MAML3: variants seen among roughly 807,000 people sequenced by gnomAD.
The protein encoded by MAML3 is mastermind like transcriptional coactivator 3.
In MAML3, 27 loss-of-function variants were observed where a neutral mutation model predicts 101.9. That is an observed-to-expected ratio of 0.27 (90% confidence interval 0.20 to 0.37). The LOEUF is 0.37. MAML3 is among the 10% of genes least tolerant of loss of function. MAML3 has a pLI of 1.00. For synonymous variants in MAML3, 501 were observed against 555.9 expected (o/e 0.90, Z 1.39); for missense variants, 1,316 against 1,444.9 (o/e 0.91, Z 1.45).
At position 139,735,029 on chromosome 4, in the gene MAML3, C is replaced by T. The variant is rs962855358; in HGVS notation, c.2080-4362G>A. 3.9e-5 allele frequency among the ~76,000 whole-genome samples: 6 copies of T among 152,200 alleles called. No individual in the cohort carries two copies. Among genetic ancestry groups the T allele is most frequent in the Non-Finnish European group, 7.3e-5 (5 of 68,028 alleles). On this transcript the variant is annotated intron_variant, in intron 2 of 4. Transcript: ENST00000509479. This position sits in a 1 kb window ranked among gnomAD's most constrained non-coding sequence, Gnocchi z 5.8. ...CCGGCCGCCGCTGCGCCCGCGCCCC[C>T]TCCCCTCGCAGATGGCTTAATCAGG...
Position 139,719,062 on chromosome 4 carries a change from C to T in MAML3, c.*261G>A, listed in dbSNP as rs1728111814. ...GGGGCTCTGGCCGGCTTCATCTTCC[C>T]ACCTGCTCCTCCGGGTGTCTCCCTC... On this transcript the variant is annotated 3_prime_UTR_variant, in exon 5 of 5. Coordinates refer to ENST00000509479, the MANE Select transcript of MAML3 (RefSeq NM_018717.5). The T allele has an allele frequency of 4.4e-6, 2 of 450,332 alleles. No individual in the cohort carries two copies. Among genetic ancestry groups the T allele is most frequent in the Non-Finnish European group, 3.9e-6 (1 of 255,610 alleles). The allele number at this position is 450,332 out of a possible 1,614,324, so 27.9% of individuals were successfully genotyped here.
chr4:140,059,981 A>G, intron 1 of MAML3, among the ~76,000 whole-genome samples: 1 of 152,344 alleles, frequency 6.6e-6, no homozygotes, highest in Non-Finnish European at 1.5e-5. Flanking sequence ...ATGATAGAAT[A>G]TCTATTTTTA....
chr4:139,730,418 G>C lies in MAML3; in HGVS notation c.2329C>G (p.Gln777Glu). The C allele has an allele frequency of 5.9e-6, 9 of 1,527,674 alleles. No homozygotes were observed. The highest frequency in any genetic ancestry group is 7.0e-6 in the Non-Finnish European group (8 of 1,140,844). The allele number at this position is 1,527,674 out of a possible 1,614,324, so 94.6% of individuals were successfully genotyped here. ...AATCACGCCAAGGGGCATGTTACCT[G>C]TTCCGCCAAAATCTGCTGCTGCTGC... Reference protein sequence around the residue: ...QQQQQQILAEQQLQQSHLPRQ... With the variant: ...QQQQQQILAEEQLQQSHLPRQ... Residue 777 changes from glutamine (Q) to glutamate (E), a missense_variant and splice_region_variant, in exon 3 of 5, where the codon CAG becomes GAG. Physicochemically the swap from Gln to Glu is conservative, Grantham distance 29. Coordinates refer to ENST00000509479, the MANE Select transcript of MAML3 (RefSeq NM_018717.5).
chr4:140,104,370 AT>A (rs1426420283), intron 1 of MAML3, among the ~76,000 whole-genome samples: 1 of 22,558 alleles, frequency 4.4e-5, no homozygotes, highest in East Asian at 1.0e-3. Flanking sequence ...TTTTATATAT[AT>A]ATATAATATA....
chr4:139,817,555 C>A (rs1730911482), intron 2 of MAML3, among the ~76,000 whole-genome samples: 1 of 152,188 alleles, frequency 6.6e-6, no homozygotes, highest in African/African-American at 2.4e-5. Flanking sequence ...TATATCACCT[C>A]CCTCTGTTTA....
chr4:139,800,491 T>C (rs1373237011), intron 2 of MAML3, among the ~76,000 whole-genome samples: 1 of 152,202 alleles, frequency 6.6e-6, no homozygotes, highest in Admixed American at 6.5e-5. Flanking sequence ...ATTCATCACT[T>C]ACTGAAAAGT....
At chr4:140,041,589 C>G (rs925889897) in intron 1 of MAML3, among the ~76,000 whole-genome samples, 1 of 152,062 alleles carries the variant, frequency 6.6e-6, no homozygotes, top group Non-Finnish European at 1.5e-5. Flanking sequence ...CCACTGCACT[C>G]CAGCCTGGGC....
chr4:140,060,382 A>AAAAAAAAAAAAAAAAAAAAAAAAC (rs1560880625), intron 1 of MAML3, among the ~76,000 whole-genome samples: 2 of 148,654 alleles, frequency 1.3e-5, no homozygotes, highest in Non-Finnish European at 3.0e-5. Flanking sequence ...AAAAAAAAAA[A>AAAAAAAAAAAAAAAAAAAAAAAAC]AAAGTCACAA....
At chr4:140,100,878 C>T (rs1728242559) in intron 1 of MAML3, among the ~76,000 whole-genome samples, 1 of 152,064 alleles carries the variant, frequency 6.6e-6, no homozygotes, top group Non-Finnish European at 1.5e-5. Flanking sequence ...AAACCTAGTG[C>T]TTAATATGAC....
chr4:139,960,751 A>G (rs980742121), intron 1 of MAML3, among the ~76,000 whole-genome samples: 15 of 152,274 alleles, frequency 9.9e-5, no homozygotes, highest in African/African-American at 2.9e-4. Context: ...CGGCAGAAAG[A>G]GCGGAGTCCC....
chr4:140,144,661 G>A (rs1729027805), intron 1 of MAML3, among the ~76,000 whole-genome samples: 1 of 151,844 alleles, frequency 6.6e-6, no homozygotes, highest in African/African-American at 2.4e-5. Flanking sequence ...TGCTTTCCAG[G>A]TACAAACAAT....
intron 1 of MAML3, among the ~76,000 whole-genome samples, chr4:140,074,961 C>A (rs1316753123): frequency 6.6e-6 from 1 of 152,012 alleles, no homozygotes; most frequent in Non-Finnish European, 1.5e-5. Context: ...CCCAAGATAT[C>A]TCATTATATA....
chr4:139,842,402 T>A (rs911850181), intron 2 of MAML3, among the ~76,000 whole-genome samples: 3 of 152,276 alleles, frequency 2.0e-5, no homozygotes, highest in Non-Finnish European at 4.4e-5. Context: ...GGTAAGTGAC[T>A]GTATCACATA....
At chr4:139,994,102 T>C (rs879411725) in intron 1 of MAML3, among the ~76,000 whole-genome samples, 5 of 152,224 alleles carry the variant, frequency 3.3e-5, no homozygotes, top group Non-Finnish European at 1.5e-5. Context: ...TTTTCTCCAT[T>C]GTATTGTCTT....
chr4:139,832,252 G>T (rs1227214415), intron 2 of MAML3, among the ~76,000 whole-genome samples: 1 of 151,188 alleles, frequency 6.6e-6, no homozygotes, highest in African/African-American at 2.4e-5. Flanking sequence ...TTACAGGCGT[G>T]TGCCACTACG....
chr4:139,902,626 G>A (rs1381606159), intron 1 of MAML3, among the ~76,000 whole-genome samples: 2 of 152,184 alleles, frequency 1.3e-5, no homozygotes, highest in African/African-American at 4.8e-5. Context: ...CCAGGCGGAG[G>A]TACACACCAC....
At chr4:140,010,172 T>TA (rs1175267248) in intron 1 of MAML3, among the ~76,000 whole-genome samples, 1 of 152,170 alleles carries the variant, frequency 6.6e-6, no homozygotes, top group Non-Finnish European at 1.5e-5. Flanking sequence ...ATGCTTCACT[T>TA]AAAAAAATTA....
intron 1 of MAML3, among the ~76,000 whole-genome samples, chr4:139,964,479 A>G (rs554943989): frequency 3.3e-4 from 50 of 152,312 alleles, no homozygotes; most frequent in African/African-American, 8.7e-4. Flanking sequence ...GGACGGGTCA[A>G]TAAGTGCAGC....
intron 1 of MAML3, among the ~76,000 whole-genome samples, chr4:139,978,512 G>T (rs1268620542): frequency 6.6e-6 from 1 of 151,870 alleles, no homozygotes; most frequent in East Asian, 1.9e-4. Flanking sequence ...ACGAGTGGCA[G>T]AGGATGGCGT....
Sources: gnomAD v4.1 joint callset for allele counts (sites outside exome capture counted in the v4.1 genomes callset) on GRCh38, gnomAD v4.1.1 for gene constraint, Gnocchi (gnomAD v3.1) non-coding constraint, MANE v1.5 for transcripts, NCBI Gene and HGNC (gene_info 2026-07-23, HGNC 2026-07-21) for gene names.